GDAP1: variants seen among roughly 807,000 people sequenced by gnomAD.
GDAP1 encodes the protein ganglioside induced differentiation associated protein 1.
GDAP1 carries 34 observed loss-of-function variants against 40.1 expected under a neutral mutation model. The observed-to-expected ratio is 0.85, with a 90% CI of 0.64 to 1.13. The LOEUF (loss-of-function observed/expected upper bound fraction) is 1.13, where lower values mean the gene tolerates loss of function less well. GDAP1 is among the 50% of genes most tolerant of loss of function. The pLI is 0.00. For missense variants in GDAP1, 374 were observed against 433.7 expected, an observed-to-expected ratio of 0.86 and a Z score of 1.22; for synonymous variants, 170 against 157.4, an observed-to-expected ratio of 1.08 and a Z score of -0.60.
chr8:74,472,704 G>A (rs960197813), intron 2 of GDAP1, among the ~76,000 whole-genome samples: 16 of 134,688 alleles, frequency 1.2e-4, no homozygotes, highest in African/African-American at 4.6e-4. Flanking sequence ...TCGATATTGA[G>A]CTTTCTTTTC....
At chr8:74,381,567 C>T (rs1316318383) in intron 2 of GDAP1, among the ~76,000 whole-genome samples, 1 of 151,914 alleles carries the variant, frequency 6.6e-6, no homozygotes, top group African/African-American at 2.4e-5. Context: ...ACCAGCCTGG[C>T]CAACATGTCA....
intron 5 of GDAP1, 94 bp from the exon 6 acceptor site, chr8:74,363,891 C>A: frequency 2.0e-6 from 2 of 984,532 alleles, no homozygotes; most frequent in South Asian, 1.3e-5. Flanking sequence ...TTGCTATACT[C>A]ACACTCACCC....
At chr8:74,369,542 A>C (rs1256758428), downstream of GDAP1, among the ~76,000 whole-genome samples, 1 of 152,144 alleles carries the variant, frequency 6.6e-6, no homozygotes, top group African/African-American at 2.4e-5. Flanking sequence ...CCTCAGGAAC[A>C]TGTGGAAAAT....
chr8:74,403,959 G>A (rs1805600372), intron 2 of GDAP1, among the ~76,000 whole-genome samples: 1 of 149,900 alleles, frequency 6.7e-6, no homozygotes, highest in Non-Finnish European at 1.5e-5. Context: ...TTAAATATGA[G>A]CCTGTAAAAA....
At chr8:74,476,849 T>C (rs1365688891) in intron 2 of GDAP1, among the ~76,000 whole-genome samples, 1 of 152,234 alleles carries the variant, frequency 6.6e-6, no homozygotes, top group Non-Finnish European at 1.5e-5. Context: ...GTTGGGGAAG[T>C]TCTCATGGAT....
chr8:74,361,008 CTTA>C (rs892876200), intron 3 of GDAP1, among the ~76,000 whole-genome samples: 1 of 152,100 alleles, frequency 6.6e-6, no homozygotes, highest in Non-Finnish European at 1.5e-5. Context: ...CTTTATTATT[CTTA>C]TTATTCTTTT....
intron 2 of GDAP1, among the ~76,000 whole-genome samples, chr8:74,445,281 G>A (rs952626928): frequency 6.6e-6 from 1 of 152,138 alleles, no homozygotes; most frequent in Admixed American, 6.5e-5. Context: ...GAGGTTAACT[G>A]TAGAAACTAT....
At chr8:74,402,390 T>C (rs1441742665) in intron 2 of GDAP1, among the ~76,000 whole-genome samples, 1 of 150,376 alleles carries the variant, frequency 6.6e-6, no homozygotes, top group African/African-American at 2.5e-5. Context: ...GGTGCACCGT[T>C]TTTTAAGCCC....
intron 2 of GDAP1, among the ~76,000 whole-genome samples, chr8:74,476,503 C>G (rs989751284): frequency 7.2e-5 from 11 of 152,262 alleles, no homozygotes; most frequent in African/African-American, 2.4e-4. Context: ...TCAGAATTTG[C>G]TCATCTGAAA....
chr8:74,406,892 G>T (rs1222405058), intron 2 of GDAP1, among the ~76,000 whole-genome samples: 6 of 149,698 alleles, frequency 4.0e-5, no homozygotes, highest in Admixed American at 3.3e-4. Flanking sequence ...AATACCTGTT[G>T]GTAGCTGAGT....
chr8:74,483,773 T>C (rs561183966), intron 2 of GDAP1, among the ~76,000 whole-genome samples: 2 of 152,296 alleles, frequency 1.3e-5, no homozygotes, highest in East Asian at 3.9e-4. Context: ...TGGAATAGCT[T>C]CTACTTAGGA....
At chr8:74,409,378 G>A (rs950334681) in intron 2 of GDAP1, among the ~76,000 whole-genome samples, 1 of 149,638 alleles carries the variant, frequency 6.7e-6, no homozygotes, top group Admixed American at 6.6e-5. Context: ...CTGAGACAGA[G>A]TCTTACTCTG....
intron 2 of GDAP1, among the ~76,000 whole-genome samples, chr8:74,425,701 T>A (rs1235891164): frequency 1.3e-5 from 2 of 151,968 alleles, no homozygotes; most frequent in Non-Finnish European, 2.9e-5. Context: ...GAGTGAAGAG[T>A]GACATAAGAG....
chr8:74,355,261 A>C lies in GDAP1; in HGVS notation c.310+3795A>C, dbSNP rs891014925. 5.3e-5 allele frequency among the ~76,000 whole-genome samples: 8 copies of C among 152,274 alleles called. No individual in the cohort carries two copies. In the East Asian group the frequency reaches 9.7e-4, roughly 18 times the overall value. On this transcript the variant is annotated intron_variant, in intron 2 of 5. Transcript: ENST00000220822. ...CCAAACTAAGAGCTGGCCGAGAGCT[A>C]TCTCTTCATTTATTCTTTAAGTAAC...
intron 2 of GDAP1, among the ~76,000 whole-genome samples, chr8:74,388,636 T>C (rs879022963): frequency 6.6e-6 from 1 of 152,238 alleles, no homozygotes. Flanking sequence ...TATGTGATGC[T>C]GAGAAGAATG....
At chr8:74,440,954 ATAG>A (rs1806155032) in intron 2 of GDAP1, among the ~76,000 whole-genome samples, 1 of 152,118 alleles carries the variant, frequency 6.6e-6, no homozygotes, top group African/African-American at 2.4e-5. Flanking sequence ...TTCTAATGAA[ATAG>A]TAGGTTTTAA....
chr8:74,422,356 T>TTCTTTCTTTCTTTCTTTCTTTCTTC (rs1464436992), intron 2 of GDAP1, among the ~76,000 whole-genome samples: 2 of 45,800 alleles, frequency 4.4e-5, no homozygotes, highest in African/African-American at 8.1e-5. Flanking sequence ...TTTCTTCCCT[T>TTCTTTCTTTCTTTCTTTCTTTCTTC]CCTTCCTTCC....
chr8:74,476,973 GTTTGTCCCTT>G lies in GDAP1; in HGVS notation c.166-11703_166-11694del, dbSNP rs565382593. ...TAATCCTGTATTTCTCAGAGGTTCT[GTTTGTCCCTT>G]TGCATTCTGTTCTCTTTATTTTTGT... On this transcript the variant is annotated intron_variant, in intron 2 of 2. Coordinates refer to the GDAP1 transcript ENST00000523640. Among the ~76,000 whole-genome samples the G allele has an allele frequency of 3.1e-3, 465 of 152,246 alleles. 4 individuals are homozygous for G. The highest frequency in any genetic ancestry group is 0.01 in the African/African-American group (418 of 41,546).
intron 2 of GDAP1, among the ~76,000 whole-genome samples, chr8:74,377,942 A>G (rs1809884770): frequency 6.6e-6 from 1 of 151,652 alleles, no homozygotes; most frequent in Admixed American, 6.5e-5. Flanking sequence ...TTCATAGATA[A>G]AAAGAGAACA....
Sources: gnomAD v4.1 joint callset for allele counts (sites outside exome capture counted in the v4.1 genomes callset) on GRCh38, gnomAD v4.1.1 for gene constraint, MANE v1.5 for transcripts, NCBI Gene and HGNC (gene_info 2026-07-23, HGNC 2026-07-21) for gene names.